INO80: variants seen among roughly 807,000 people sequenced by gnomAD.
The protein encoded by INO80 is INO80 complex ATPase subunit.
In INO80, 20 loss-of-function variants were observed where a neutral mutation model predicts 203.4. The ratio of observed to expected loss-of-function variants is 0.10; its 90% CI spans 0.07 to 0.14. The LOEUF is 0.14. Among genes scored for constraint, INO80 ranks in the 10% least tolerant of loss-of-function variants. The pLI is 1.00. For missense variants in INO80, 1,419 were observed against 1,914.4 expected, an observed-to-expected ratio of 0.74 and a Z score of 4.83; for synonymous variants, 726 against 685.2, an observed-to-expected ratio of 1.06 and a Z score of -0.93.
chr15:41,048,328 A>G (rs748109940), intron 21 of INO80, 52 bp from the exon 22 acceptor site: 1 of 1,354,050 alleles, frequency 7.4e-7, no homozygotes, highest in Non-Finnish European at 1.1e-6. Flanking sequence ...AATAATGGAA[A>G]GTTAACTAGA....
chr15:41,112,952 G>A (rs904635383), intron 1 of INO80, among the ~76,000 whole-genome samples: 1 of 151,844 alleles, frequency 6.6e-6, no homozygotes. Flanking sequence ...CTCGGGCTCT[G>A]TCGCCCAGGC....
chr15:41,048,161 A>AAG, intron 22 of INO80, 51 bp downstream of exon 22: 1 of 1,385,762 alleles, frequency 7.2e-7, no homozygotes, highest in Non-Finnish European at 1.0e-6. Flanking sequence ...AACAAAGAGC[A>AAG]TCCTGGTAAA....
intron 27 of INO80, among the ~76,000 whole-genome samples, chr15:41,015,554 T>C (rs1012524418): frequency 6.6e-6 from 1 of 152,010 alleles, no homozygotes; most frequent in Non-Finnish European, 1.5e-5. Context: ...TCTATTTCAC[T>C]GGTGTAGGGC....
intron 24 of INO80, among the ~76,000 whole-genome samples, chr15:41,041,619 T>C (rs1328746219): frequency 6.6e-6 from 1 of 151,744 alleles, no homozygotes; most frequent in Non-Finnish European, 1.5e-5. Context: ...TTTTGTATTT[T>C]TTTAGTAGAG....
chr15:40,998,983 T>TAAACACACACACACAC (rs2043919824), intron 28 of INO80, among the ~76,000 whole-genome samples: 1 of 140,348 alleles, frequency 7.1e-6, no homozygotes, highest in African/African-American at 2.7e-5. Context: ...AAGATTTATC[T>TAAACACACACACACAC]ACACACACAC....
intron 1 of INO80, among the ~76,000 whole-genome samples, chr15:41,098,941 C>T (rs546334978): frequency 7.3e-5 from 11 of 151,462 alleles, no homozygotes; most frequent in Admixed American, 2.6e-4. Context: ...TACTTCATAC[C>T]CACTAGAATA....
At chr15:41,059,795 T>C in intron 15 of INO80, 72 bp downstream of exon 15, 1 of 984,994 alleles carries the variant, frequency 1.0e-6, no homozygotes, top group Non-Finnish European at 1.5e-6. Context: ...CTAAAAGAAA[T>C]TATCCACATC....
intron 14 of INO80, among the ~76,000 whole-genome samples, chr15:41,061,346 C>T (rs1192178593): frequency 3.4e-5 from 5 of 149,098 alleles, no homozygotes; most frequent in Non-Finnish European, 7.4e-5. Context: ...GTGGCTCACA[C>T]CTGGAATCCT....
chr15:41,095,564 A>T, intron 4 of INO80, 37 bp downstream of exon 4: 1 of 1,432,834 alleles, frequency 7.0e-7, no homozygotes, highest in Non-Finnish European at 9.7e-7. Flanking sequence ...ACTTTAGTAG[A>T]CTATCTGCAC....
At chr15:41,076,466 CTT>C (rs566456701) in intron 9 of INO80, among the ~76,000 whole-genome samples, 15,913 of 143,888 alleles carry the variant, frequency 0.11, 2,533 homozygotes, top group African/African-American at 0.36. Flanking sequence ...TGCAAACTTT[CTT>C]TTTTTTTTTT....
intron 14 of INO80, among the ~76,000 whole-genome samples, chr15:41,062,940 G>A (rs759751679): frequency 1.5e-4 from 23 of 152,188 alleles, no homozygotes; most frequent in Non-Finnish European, 2.5e-4. Flanking sequence ...GGGAGGGAGA[G>A]CAGTAACATT....
intron 14 of INO80, among the ~76,000 whole-genome samples, chr15:41,060,299 GT>G (rs1321910528): frequency 6.6e-6 from 1 of 152,126 alleles, no homozygotes; most frequent in Non-Finnish European, 1.5e-5. Context: ...CTTAAGAGAT[GT>G]AAGATAGGCT....
chr15:41,115,324 T>G (rs2046015698), intron 1 of INO80, among the ~76,000 whole-genome samples: 1 of 152,222 alleles, frequency 6.6e-6, no homozygotes, highest in African/African-American at 2.4e-5. Context: ...GAAGTAGTAC[T>G]TTCCATTAGC....
At chr15:41,058,314 T>C (rs1340058923) in intron 16 of INO80, among the ~76,000 whole-genome samples, 4 of 152,144 alleles carry the variant, frequency 2.6e-5, no homozygotes, top group Non-Finnish European at 5.9e-5. Context: ...AAGGGAATTT[T>C]TGCCTTCTGA....
chr15:41,020,749 A>G, intron 26 of INO80, 151 bp downstream of exon 26: 1 of 578,232 alleles, frequency 1.7e-6, no homozygotes, highest in Non-Finnish European at 3.1e-6. Context: ...TAAATTACTA[A>G]TATTCTTACC....
rs1003693835 is a variant in INO80, at chr15:41,049,867, CAG to C, written c.2442+66_2442+67del. 19 of 1,422,930 alleles carry C rather than the reference CAG, an allele frequency of 1.3e-5. No individual in the cohort carries two copies. In the African/African-American group the frequency reaches 2.7e-4, roughly 20 times the overall value. 88.1% of individuals were successfully genotyped at this position (1,422,930 alleles called of 1,614,324 possible). ...CGCCATTGCACTCCAGCCTGGGCAA[CAG>C]AGCAAGACAATTCTATCTCAAAAAA... On this transcript the variant is annotated intron_variant, in intron 20 of 35. Transcript: ENST00000648947.
rs1420221409 is a variant in INO80 at position 41,023,782 on chromosome 15, A to AC, written c.3049-2658_3049-2657insG. ...AGACTCTGTCTCAAAAAAAAAAAAA[A>AC]ACAAAACAAAACGAAAAAAAGAAAC... On this transcript the variant is annotated intron_variant, in intron 25 of 35. Transcript: ENST00000648947. Among the ~76,000 whole-genome samples the AC allele has an allele frequency of 8.6e-4, 127 of 147,054 alleles. 4 individuals are homozygous for AC. The highest frequency in any genetic ancestry group is 3.2e-3 in the African/African-American group (124 of 38,784).
intron 24 of INO80, among the ~76,000 whole-genome samples, chr15:41,036,147 C>G (rs2044569247): frequency 9.8e-6 from 1 of 101,736 alleles, no homozygotes; most frequent in Non-Finnish European, 1.8e-5. Flanking sequence ...CAGAGTGCAA[C>G]TCTCTCTCGA....
intron 27 of INO80, among the ~76,000 whole-genome samples, chr15:41,012,640 T>C (rs2044149029): frequency 6.6e-6 from 1 of 151,758 alleles, no homozygotes. Flanking sequence ...GATCTATGAT[T>C]TCCTCACCTA....
Sources: gnomAD v4.1 joint callset for allele counts (sites outside exome capture counted in the v4.1 genomes callset) on GRCh38, gnomAD v4.1.1 for gene constraint, MANE v1.5 for transcripts, NCBI Gene and HGNC (gene_info 2026-07-23, HGNC 2026-07-21) for gene names.